WNT7B: variants seen among roughly 807,000 people sequenced by gnomAD.
WNT7B encodes the protein protein Wnt-7b.
Under a neutral mutation model 38.2 loss-of-function variants are expected in WNT7B, and 19 were observed. That is an observed-to-expected ratio of 0.50 (90% CI 0.35 to 0.73). The LOEUF (loss-of-function observed/expected upper bound fraction) is 0.73. WNT7B is among the 30% of genes least tolerant of loss of function. The pLI, the probability that WNT7B is intolerant of heterozygous loss-of-function variation, is 0.01. For missense variants in WNT7B, 423 were observed against 507.9 expected (o/e 0.83, Z 1.61); for synonymous variants, 243 against 209.3 (o/e 1.16, Z -1.39).
chr22:45,946,458 A>C (rs1220589214), intron 2 of WNT7B, among the ~76,000 whole-genome samples: 2 of 152,174 alleles, frequency 1.3e-5, no homozygotes, highest in South Asian at 2.1e-4. Flanking sequence ...GGTTCTCCTG[A>C]TGCTCACGCT....
chr22:45,931,484 G>GCTCATCGCTCGCCCCCTCTGTGC (rs1931357898), intron 2 of WNT7B, 115 bp from the exon 3 acceptor site: 1 of 1,261,502 alleles, frequency 7.9e-7, no homozygotes, highest in Non-Finnish European at 1.1e-6. Context: ...GTGACCCTGG[G>GCTCATCGCTCGCCCCCTCTGTGC]CTCATCGCTC....
rs1316169815 is a variant in WNT7B, at chr22:45,951,506, T to G, written c.72-1360A>C. Among the ~76,000 whole-genome samples, 3 of 152,002 alleles carry G rather than the reference T, an allele frequency of 2.0e-5. No homozygotes were observed. Among genetic ancestry groups the G allele is most frequent in the African/African-American group, 7.2e-5 (3 of 41,404 alleles). On this transcript the variant is annotated intron_variant, in intron 1 of 3. Coordinates refer to ENST00000339464, the MANE Select transcript of WNT7B (RefSeq NM_058238.3). This position sits in a 1 kb window ranked among gnomAD's most constrained non-coding sequence, Gnocchi z 4.8. ...GCACCGTCAGGTTCCCAGATATTTCTGCCACCCCAGAAGGAAACTGTACCC... is the reference window on the plus strand; with the variant it reads ...GCACCGTCAGGTTCCCAGATATTTCGGCCACCCCAGAAGGAAACTGTACCC...
intron 3 of WNT7B, 25 bp from the exon 4 acceptor site, chr22:45,923,360 G>T: frequency 6.3e-7 from 1 of 1,575,218 alleles, no homozygotes. Flanking sequence ...GAAGCTGCTC[G>T]GCACGGCATG....
intron 2 of WNT7B, 43 bp downstream of exon 2, chr22:45,949,877 T>G: frequency 6.4e-7 from 1 of 1,573,824 alleles, no homozygotes; most frequent in Non-Finnish European, 8.7e-7. Context: ...CTACTGCCCC[T>G]GGCCACAATG....
chr22:45,953,364 G>A (rs190186332), intron 1 of WNT7B, among the ~76,000 whole-genome samples: 4 of 152,168 alleles, frequency 2.6e-5, no homozygotes, highest in East Asian at 3.9e-4. Flanking sequence ...CACAGCCACC[G>A]TGTCCATGCC....
intron 2 of WNT7B, among the ~76,000 whole-genome samples, chr22:45,931,637 C>T (rs533395380): frequency 2.9e-5 from 4 of 135,668 alleles, no homozygotes; most frequent in Non-Finnish European, 6.9e-5. Flanking sequence ...GTGCACCCTG[C>T]GACTGCCCTC....
rs1315011644 is a variant in WNT7B, at chr22:45,949,812, C to G, written c.298+108G>C. On this transcript the variant is annotated intron_variant, in intron 2 of 3. Transcript: ENST00000339464. ...ACAGGAAGGCAAAGAAATTGGCCCC[C>G]CAGGAGATGTGTGCAGAACAGCGGC... 5 of 1,123,608 alleles carry G rather than the reference C, an allele frequency of 4.4e-6. No homozygotes were observed. In the African/African-American group the frequency reaches 4.7e-5, roughly 11 times the overall value. The allele number at this position is 1,123,608 out of a possible 1,614,324, so 69.6% of individuals were successfully genotyped here. A position where few individuals can be genotyped will look rare whatever the true frequency, so the allele number is the denominator to read the frequency against.
rs1436993730 is a variant in WNT7B, at chr22:45,976,276, C to T, written c.71+408G>A. ...CCCGGGCCTCCGCAGGCGCCGGACG[C>T]CCCCCGACCCCGCCCCGGCGCACCC... On this transcript the variant is annotated intron_variant, in intron 1 of 3. Coordinates refer to ENST00000339464, the MANE Select transcript of WNT7B (RefSeq NM_058238.3). The surrounding 1 kb of genome is among the most constrained non-coding windows in gnomAD (Gnocchi z 8.5). 6.8e-6 allele frequency among the ~76,000 whole-genome samples: 1 copy of T among 147,542 alleles called. No individual in the cohort carries two copies. The highest frequency in any genetic ancestry group is 6.7e-5 in the Admixed American group (1 of 14,878).
chr22:45,926,672 C>G, intron 3 of WNT7B: 1 of 984,452 alleles, frequency 1.0e-6, no homozygotes, highest in Non-Finnish European at 1.2e-6. Flanking sequence ...TTCCACAGCA[C>G]CTCCCATGCT....
chr22:45,937,887 T>C (rs1391070645), intron 2 of WNT7B, among the ~76,000 whole-genome samples: 2 of 152,034 alleles, frequency 1.3e-5, no homozygotes, highest in African/African-American at 2.4e-5. Flanking sequence ...CAGGCACCTG[T>C]AATCCCAGCT....
At chr22:45,973,490 CT>C (rs1342640733) in intron 1 of WNT7B, among the ~76,000 whole-genome samples, 7 of 152,218 alleles carry the variant, frequency 4.6e-5, no homozygotes, top group African/African-American at 1.4e-4. Context: ...TTCATCCCCC[CT>C]AGTCCAGGGC....
At chr22:45,929,583 TC>T (rs1490939916) in intron 3 of WNT7B, among the ~76,000 whole-genome samples, 1 of 135,128 alleles carries the variant, frequency 7.4e-6, no homozygotes, top group Non-Finnish European at 1.6e-5. Context: ...CATCCATACT[TC>T]CATCCATTCA....
At chr22:45,926,162 C>A in intron 3 of WNT7B, 1 of 985,436 alleles carries the variant, frequency 1.0e-6, no homozygotes, top group Non-Finnish European at 1.2e-6. Context: ...TGGGTCAGAG[C>A]CTCTCCCAGG....
chr22:45,941,096 T>C (rs372999171), intron 2 of WNT7B, among the ~76,000 whole-genome samples: 5 of 152,008 alleles, frequency 3.3e-5, no homozygotes, highest in African/African-American at 9.7e-5. Flanking sequence ...TGCAAGGGTT[T>C]GGGTAAGAAA....
At chr22:45,949,843 C>A (rs1010534723) in intron 2 of WNT7B, 77 bp downstream of exon 2, 5 of 1,421,086 alleles carry the variant, frequency 3.5e-6, no homozygotes, top group African/African-American at 2.8e-5. Context: ...GCGGCCTAGG[C>A]TGGCCTTCAG....
intron 2 of WNT7B, among the ~76,000 whole-genome samples, chr22:45,938,408 G>A (rs558898883): frequency 7.9e-5 from 12 of 151,786 alleles, no homozygotes; most frequent in South Asian, 2.1e-4. Flanking sequence ...AGGTCGAGGC[G>A]GGTGGATCAC....
At chr22:45,939,660 CACACACACACAA>C (rs1437884040) in intron 2 of WNT7B, among the ~76,000 whole-genome samples, 17 of 151,864 alleles carry the variant, frequency 1.1e-4, no homozygotes, top group African/African-American at 4.1e-4. Flanking sequence ...CACACACACA[CACACACACACAA>C]AAATAGCCAG....
At chr22:45,927,837 G>T (rs536431275) in intron 3 of WNT7B, among the ~76,000 whole-genome samples, 2 of 152,282 alleles carry the variant, frequency 1.3e-5, no homozygotes, top group South Asian at 4.1e-4. Context: ...CAGAGGTTGC[G>T]GTGAGCAGAG....
intron 1 of WNT7B, among the ~76,000 whole-genome samples, chr22:45,955,166 T>C (rs1469420136): frequency 6.6e-6 from 1 of 152,180 alleles, no homozygotes; most frequent in African/African-American, 2.4e-5. Context: ...ATCCCTGCCC[T>C]CCCACTGCTG....
Sources: allele counts gnomAD v4.1 joint callset (sites outside exome capture counted in the v4.1 genomes callset), GRCh38; gene constraint gnomAD v4.1.1; non-coding constraint Gnocchi (gnomAD v3.1); transcripts MANE v1.5; gene names NCBI Gene and HGNC (gene_info 2026-07-23, HGNC 2026-07-21).